ZP3: variants seen among roughly 807,000 people sequenced by gnomAD.
ZP3 encodes the protein zona pellucida glycoprotein 3.
Under a neutral mutation model 35.6 loss-of-function variants are expected in ZP3, and 21 were observed. That is an observed-to-expected ratio of 0.59 (90% confidence interval 0.42 to 0.85). The LOEUF (loss-of-function observed/expected upper bound fraction) is 0.85. ZP3 is among the 40% of genes least tolerant of loss of function. The probability of loss-of-function intolerance (pLI) is 0.00; values close to 1 mark genes in which losing one functional copy is unlikely to be tolerated. For missense variants in ZP3, 437 were observed against 536.5 expected, an observed-to-expected ratio of 0.81 and a Z score of 1.83; for synonymous variants, 207 against 214.5, an observed-to-expected ratio of 0.96 and a Z score of 0.31.
intron 1 of ZP3, among the ~76,000 whole-genome samples, chr7:76,416,741 G>C (rs1805377920): frequency 6.6e-6 from 1 of 151,762 alleles, no homozygotes; most frequent in Admixed American, 6.6e-5. Flanking sequence ...ACAGGCTTCA[G>C]TGAGCCAAGA....
intron 1 of ZP3, among the ~76,000 whole-genome samples, chr7:76,413,319 A>G (rs993117683): frequency 1.5e-4 from 22 of 151,640 alleles, no homozygotes; most frequent in African/African-American, 5.3e-4. Flanking sequence ...AAATGCTGTG[A>G]TCACAACTTA....
chr7:76,403,085 G>A (rs868748016), intron 1 of ZP3, among the ~76,000 whole-genome samples: 13 of 152,134 alleles, frequency 8.5e-5, no homozygotes, highest in African/African-American at 1.9e-4. Flanking sequence ...TCAGGGCCAC[G>A]TAGCAAATCA....
At position 76,412,962 on chromosome 7, in the gene ZP3, C is replaced by CTTTTTTTTT. The variant is rs201143080; in HGVS notation, c.-66-12088_-66-12087insTTTTTTTTT. On this transcript the variant is annotated intron_variant, in intron 1 of 8. Coordinates refer to the ZP3 transcript ENST00000336517. Reference sequence around the variant, plus strand: ...CTTTCTTCTTTGTCTTCTTCTTCTTCTTCTTTTTTTTTTTTTTTGAGACGG... The same window carrying CTTTTTTTTT: ...CTTTCTTCTTTGTCTTCTTCTTCTTCTTTTTTTTTTTCTTTTTTTTTTTTTTTGAGACGG... Among the ~76,000 whole-genome samples the CTTTTTTTTT allele has an allele frequency of 2.3e-4, 26 of 113,754 alleles. 1 individual carries two copies. Among genetic ancestry groups the CTTTTTTTTT allele is most frequent in the East Asian group, 5.2e-4 (2 of 3,876 alleles). 74.6% of individuals were successfully genotyped at this position (113,754 alleles called of 152,430 possible).
chr7:76,438,451 G>C (rs1276183921), intron 5 of ZP3, among the ~76,000 whole-genome samples: 1 of 152,032 alleles, frequency 6.6e-6, no homozygotes, highest in East Asian at 1.9e-4. Flanking sequence ...CCATCTACTT[G>C]GGAGGCTGAG....
intron 1 of ZP3, among the ~76,000 whole-genome samples, chr7:76,426,448 G>C (rs1805653750): frequency 1.3e-5 from 2 of 152,324 alleles, no homozygotes; most frequent in Admixed American, 1.3e-4. Context: ...TGCCTGGGAT[G>C]GGGGCAAGTC....
upstream of ZP3, among the ~76,000 whole-genome samples, chr7:76,423,025 G>GAGAAAGAAAGAAAGAAAGAAAGAAAGAA (rs200948956): frequency 9.2e-5 from 7 of 75,844 alleles, no homozygotes; most frequent in Admixed American, 1.6e-4. Context: ...GAGAGAGAGA[G>GAGAAAGAAAGAAAGAAAGAAAGAAAGAA]AGAAAGAAAG....
intron 5 of ZP3, among the ~76,000 whole-genome samples, chr7:76,438,538 G>GAAAAAAAAAA (rs71085417): frequency 1.1e-4 from 10 of 88,560 alleles, no homozygotes; most frequent in African/African-American, 4.4e-4. Flanking sequence ...CTCCGTCTCA[G>GAAAAAAAAAA]AAAAAAAAAA....
chr7:76,405,335 C>CTTTTTTT (rs1563687084), intron 1 of ZP3, among the ~76,000 whole-genome samples: 1 of 29,158 alleles, frequency 3.4e-5, no homozygotes, highest in African/African-American at 1.5e-4. Context: ...TTCTTTCTTT[C>CTTTTTTT]TTTCTTTTTT....
chr7:76,416,788 G>A (rs1255555318), intron 1 of ZP3, among the ~76,000 whole-genome samples: 3 of 147,104 alleles, frequency 2.0e-5, no homozygotes. Context: ...AACAGAGCAG[G>A]ATGCTGTCTC....
At chr7:76,436,475 C>T (rs1258639041) in intron 5 of ZP3, among the ~76,000 whole-genome samples, 1 of 152,260 alleles carries the variant, frequency 6.6e-6, no homozygotes, top group Non-Finnish European at 1.5e-5. Context: ...GAAGCAGAGG[C>T]TCATACGTCA....
intron 1 of ZP3, chr7:76,398,773 G>A (rs761866520): frequency 1.9e-6 from 3 of 1,613,218 alleles, no homozygotes; most frequent in Non-Finnish European, 2.5e-6. Flanking sequence ...CATCTTCCTT[G>A]TTGGGGGCTG....
At chr7:76,422,265 G>C (rs997675092), upstream of ZP3, among the ~76,000 whole-genome samples, 1 of 151,942 alleles carries the variant, frequency 6.6e-6, no homozygotes, top group South Asian at 2.1e-4. Flanking sequence ...GGCACCCACA[G>C]GGTTCTGCCC....
At chr7:76,399,302 C>T (rs982741430) in intron 1 of ZP3, among the ~76,000 whole-genome samples, 5 of 152,122 alleles carry the variant, frequency 3.3e-5, no homozygotes, top group South Asian at 4.1e-4. Context: ...CATGAGCCAC[C>T]GTGCCCAGCC....
At chr7:76,416,907 T>TACACAC (rs1250655739) in intron 1 of ZP3, among the ~76,000 whole-genome samples, 51 of 125,386 alleles carry the variant, frequency 4.1e-4, no homozygotes, top group African/African-American at 1.5e-3. Context: ...CATACATATG[T>TACACAC]ATACATACAT....
intron 5 of ZP3, among the ~76,000 whole-genome samples, chr7:76,435,075 G>A (rs1251429218): frequency 5.5e-4 from 84 of 152,332 alleles, no homozygotes; most frequent in Non-Finnish European, 8.1e-4. Flanking sequence ...TGCCTGGTGC[G>A]GTGGCTCGTG....
chr7:76,418,011 C>T (rs1207316239), intron 1 of ZP3, among the ~76,000 whole-genome samples: 3 of 150,572 alleles, frequency 2.0e-5, no homozygotes, highest in Non-Finnish European at 2.9e-5. Flanking sequence ...AATCTCGGCT[C>T]ACTGCAATCT....
intron 1 of ZP3, among the ~76,000 whole-genome samples, chr7:76,410,720 C>T (rs529277219): frequency 9.9e-5 from 15 of 151,828 alleles, no homozygotes; most frequent in African/African-American, 1.9e-4. Context: ...ATGTACCAGG[C>T]GAGGTGGCTC....
chr7:76,432,663 G>C (rs1160560687), intron 2 of ZP3, among the ~76,000 whole-genome samples: 2 of 152,154 alleles, frequency 1.3e-5, no homozygotes, highest in Admixed American at 6.6e-5. Flanking sequence ...CAAACTCCTA[G>C]GTTCAGCTGT....
At chr7:76,415,400 A>G (rs73363105) in intron 1 of ZP3, among the ~76,000 whole-genome samples, 1 of 145,280 alleles carries the variant, frequency 6.9e-6, no homozygotes, top group Admixed American at 6.9e-5. Flanking sequence ...GATTCAGCAC[A>G]AACTATTAAC....
Sources: allele counts gnomAD v4.1 joint callset (sites outside exome capture counted in the v4.1 genomes callset), GRCh38; gene constraint gnomAD v4.1.1; transcripts MANE v1.5; gene names NCBI Gene and HGNC (gene_info 2026-07-23, HGNC 2026-07-21).